The following MOBP variants were observed in gnomAD, a reference collection of about 807,000 sequenced individuals.
MOBP encodes myelin associated oligodendrocyte basic protein, also known as myelin-associated oligodendrocyte basic protein.
In MOBP, 5 loss-of-function variants were observed where a neutral mutation model predicts 15.0. That is an observed-to-expected ratio of 0.33 (90% CI 0.17 to 0.70). The LOEUF (loss-of-function observed/expected upper bound fraction) is 0.70. Ranked by LOEUF, MOBP falls within the 30% of genes least tolerant of loss-of-function variation. MOBP has a pLI of 0.67. For missense variants in MOBP, 188 were observed against 257.8 expected, an observed-to-expected ratio of 0.73 and a Z score of 1.85; for synonymous variants, 88 against 99.0, an observed-to-expected ratio of 0.89 and a Z score of 0.66.
At chr3:39,480,324 AT>A (rs1272698082) in intron 2 of MOBP, among the ~76,000 whole-genome samples, 1 of 152,038 alleles carries the variant, frequency 6.6e-6, no homozygotes, top group Non-Finnish European at 1.5e-5. Flanking sequence ...ATAAAAAAAA[AT>A]TTTCTCTACC....
chr3:39,484,523 G>A (rs1487983763), intron 2 of MOBP, among the ~76,000 whole-genome samples: 11 of 152,292 alleles, frequency 7.2e-5, no homozygotes, highest in Admixed American at 4.6e-4. Flanking sequence ...AGCTGGGCCC[G>A]CCTGTCCCCT....
chr3:39,504,937 C>T (rs1394501148), downstream of MOBP, among the ~76,000 whole-genome samples: 4 of 152,218 alleles, frequency 2.6e-5, no homozygotes, highest in African/African-American at 9.6e-5. Flanking sequence ...TGGCAAAGGC[C>T]TAATTGGATT....
At chr3:39,517,352 C>T (rs1033664527), downstream of MOBP, among the ~76,000 whole-genome samples, 1 of 152,056 alleles carries the variant, frequency 6.6e-6, no homozygotes, top group African/African-American at 2.4e-5. Flanking sequence ...TGACCTTTAC[C>T]TTACTACCAT....
chr3:39,522,623 A>T (rs2043283591), intron 3 of MOBP, among the ~76,000 whole-genome samples: 1 of 152,236 alleles, frequency 6.6e-6, no homozygotes, highest in Non-Finnish European at 1.5e-5. Flanking sequence ...TTTGCCTAGA[A>T]ATGTCCCATT....
intron 4 of MOBP, among the ~76,000 whole-genome samples, chr3:39,509,817 G>C (rs2043096396): frequency 6.6e-6 from 1 of 152,014 alleles, no homozygotes; most frequent in Non-Finnish European, 1.5e-5. Context: ...ATACAGATGA[G>C]ATACTGATGT....
chr3:39,490,226 C>G (rs1559419506), intron 2 of MOBP, among the ~76,000 whole-genome samples: 4 of 152,188 alleles, frequency 2.6e-5, no homozygotes, highest in Non-Finnish European at 5.9e-5. Context: ...TATCCTCCCC[C>G]TGTCCTCATC....
chr3:39,503,270 A>G (rs901549387), downstream of MOBP, among the ~76,000 whole-genome samples: 2 of 22,390 alleles, frequency 8.9e-5, no homozygotes, highest in Non-Finnish European at 6.9e-4. Context: ...GGACCCATCC[A>G]TCTCCCAACA....
downstream of MOBP, among the ~76,000 whole-genome samples, chr3:39,506,886 T>A (rs1003547398): frequency 4.6e-5 from 7 of 152,216 alleles, no homozygotes; most frequent in African/African-American, 9.7e-5. Flanking sequence ...AATCTGTATA[T>A]CAGTGGTGCT....
rs544227180 is a variant in MOBP at position 39,496,190 on chromosome 3, CT to C, written c.-4-5868del. Among the ~76,000 whole-genome samples the C allele has an allele frequency of 1.0e-4, 14 of 133,344 alleles. No individual in the cohort carries two copies. The South Asian group carries it at 3.1e-3, about 29-fold the overall frequency. 87.5% of individuals were successfully genotyped at this position (133,344 alleles called of 152,430 possible). The stretch of plus-strand genomic sequence containing the variant: ...TATGAATTTGTATTATTTTCTTTTT[CT>C]TTTTTTTCTTTTTTTTTTTGTTTTT... On this transcript the variant is annotated intron_variant, in intron 2 of 3. Transcript: ENST00000684792.
intron 2 of MOBP, among the ~76,000 whole-genome samples, chr3:39,496,506 CT>C (rs1192978634): frequency 2.9e-5 from 4 of 136,838 alleles, no homozygotes; most frequent in Admixed American, 1.4e-4. Flanking sequence ...GCTTCCTTTT[CT>C]TTTTTTTTTG....
At chr3:39,500,980 C>G (rs1354063760) in intron 2 of MOBP, among the ~76,000 whole-genome samples, 4 of 152,168 alleles carry the variant, frequency 2.6e-5, no homozygotes, top group African/African-American at 9.7e-5. Flanking sequence ...AACAGAGGTG[C>G]AAAAACAACG....
chr3:39,496,367 T>C (rs1183383180), intron 2 of MOBP, among the ~76,000 whole-genome samples: 2 of 151,336 alleles, frequency 1.3e-5, no homozygotes, highest in East Asian at 3.9e-4. Flanking sequence ...CCCAGCTAAT[T>C]TTTTTGTATT....
rs2042983724 is a variant in MOBP at position 39,502,343 on chromosome 3, C to T, written c.206+68C>T. 7.5e-6 allele frequency: 12 copies of T among 1,600,066 alleles called. No homozygotes were observed. Among genetic ancestry groups the T allele is most frequent in the Non-Finnish European group, 8.5e-7 (1 of 1,173,624 alleles). On this transcript the variant is annotated intron_variant, in intron 3 of 3. Coordinates refer to ENST00000684792, the MANE Select transcript of MOBP (RefSeq NM_001393704.1). This position sits in a 1 kb window ranked among gnomAD's most constrained non-coding sequence, Gnocchi z 6.3. ...CGTGGTCTCGGCTCCCAGCACGCCC[C>T]TCCCGCTCCGCACCCCACTCTTCCC...
chr3:39,484,567 C>G (rs988329995), intron 2 of MOBP, among the ~76,000 whole-genome samples: 1 of 152,174 alleles, frequency 6.6e-6, no homozygotes, highest in African/African-American at 2.4e-5. Flanking sequence ...TATTCATCCA[C>G]ATACAATTCC....
chr3:39,470,075 A>G (rs1487442788), intron 1 of MOBP, among the ~76,000 whole-genome samples: 1 of 152,250 alleles, frequency 6.6e-6, no homozygotes, highest in East Asian at 1.9e-4. Flanking sequence ...TGCTGAAAGC[A>G]GATACAACTC....
In MOBP at chr3:39,502,847, G is replaced by A; in HGVS notation, c.519G>A (p.Gly173=). 6.8e-7 allele frequency: 1 copy of A among 1,473,092 alleles called. No homozygotes were observed. The highest frequency in any genetic ancestry group is 9.1e-7 in the Non-Finnish European group (1 of 1,099,214). 91.3% of individuals were successfully genotyped at this position (1,473,092 alleles called of 1,614,324 possible). A position where few individuals can be genotyped will look rare whatever the true frequency, so the allele number is the denominator to read the frequency against. ...TCAGAGGGCCAGGCGCCAGCCGTGG[G>A]GGGTCCCCCGTCAAAGCTTCTAGGT... ...SPLRGPGASR[G]GSPVKASRFW is the part of the protein sequence containing the mutation. The change falls in exon 4 of 4, where the codon GGG becomes GGA. Residue 173 remains glycine (G), a synonymous_variant. Coordinates refer to ENST00000684792, the MANE Select transcript of MOBP (RefSeq NM_001393704.1). The surrounding 1 kb of genome is among the most constrained non-coding windows in gnomAD (Gnocchi z 6.3).
chr3:39,513,345 C>A (rs767504231), intron 4 of MOBP: 17 of 1,584,048 alleles, frequency 1.1e-5, no homozygotes, highest in Non-Finnish European at 1.5e-5. Flanking sequence ...CATCACCTAC[C>A]TATGTCATGT....
At chr3:39,489,742 G>A (rs2042768222) in intron 2 of MOBP, among the ~76,000 whole-genome samples, 1 of 152,028 alleles carries the variant, frequency 6.6e-6, no homozygotes, top group South Asian at 2.1e-4. Context: ...GGAGGTGACT[G>A]AGGATAACAG....
intron 4 of MOBP, among the ~76,000 whole-genome samples, chr3:39,511,127 A>T (rs781518197): frequency 2.0e-5 from 3 of 152,234 alleles, no homozygotes; most frequent in Admixed American, 1.3e-4. Flanking sequence ...TAATTGTTCA[A>T]AATTGCCTAA....
Sources: allele counts gnomAD v4.1 joint callset (sites outside exome capture counted in the v4.1 genomes callset), GRCh38; gene constraint gnomAD v4.1.1; non-coding constraint Gnocchi (gnomAD v3.1); transcripts MANE v1.5; gene names NCBI Gene and HGNC (gene_info 2026-07-23, HGNC 2026-07-21).